Variants in RAPGEF2 observed in about 807,000 individuals in gnomAD.
RAPGEF2 encodes Rap guanine nucleotide exchange factor 2, also known as PDZ domain containing guanine nucleotide exchange factor (GEF) 1.
Under a neutral mutation model 186.7 loss-of-function variants are expected in RAPGEF2, and 54 were observed. The observed-to-expected ratio is 0.29, with a 90% CI of 0.23 to 0.36. The LOEUF (loss-of-function observed/expected upper bound fraction) is 0.36. Among genes scored for constraint, RAPGEF2 ranks in the 10% least tolerant of loss-of-function variants. RAPGEF2 has a pLI of 1.00. For synonymous variants in RAPGEF2, 712 were observed against 705.9 expected (o/e 1.01, Z -0.14); for missense variants, 1,532 against 2,045.0 (o/e 0.75, Z 4.84).
At chr4:159,261,550 C>T (rs1288413385) in intron 7 of RAPGEF2, among the ~76,000 whole-genome samples, 2 of 152,146 alleles carry the variant, frequency 1.3e-5, no homozygotes, top group African/African-American at 4.8e-5. Context: ...TTTTATATAA[C>T]TGTGTTTGAG....
intron 7 of RAPGEF2, among the ~76,000 whole-genome samples, chr4:159,277,392 A>G (rs1360693011): frequency 6.6e-6 from 1 of 152,212 alleles, no homozygotes; most frequent in Non-Finnish European, 1.5e-5. Flanking sequence ...ATACGTGTGC[A>G]TGTGTCTTTA....
At chr4:159,226,334 G>A (rs1195363347) in intron 4 of RAPGEF2, among the ~76,000 whole-genome samples, 1 of 152,100 alleles carries the variant, frequency 6.6e-6, no homozygotes, top group Non-Finnish European at 1.5e-5. Flanking sequence ...TCTGTCTCTG[G>A]AATCTGTCTT....
chr4:159,274,546 G>A (rs917098533), intron 7 of RAPGEF2, among the ~76,000 whole-genome samples: 8 of 152,148 alleles, frequency 5.3e-5, no homozygotes, highest in Non-Finnish European at 1.0e-4. Context: ...GTTTGTAAAT[G>A]TGTCCTTAAG....
At chr4:159,280,989 T>TTC (rs1759620557) in intron 7 of RAPGEF2, among the ~76,000 whole-genome samples, 4 of 52,496 alleles carry the variant, frequency 7.6e-5, no homozygotes, top group African/African-American at 4.1e-4. Flanking sequence ...ACTACTTCTT[T>TTC]TTTTTTTTTT....
chr4:159,309,208 G>C (rs943191987), intron 8 of RAPGEF2, among the ~76,000 whole-genome samples: 3 of 152,100 alleles, frequency 2.0e-5, no homozygotes, highest in African/African-American at 7.2e-5. Context: ...TTCAGCCTTT[G>C]TTTTCAAGTG....
At chr4:159,278,128 G>A (rs1026802837) in intron 7 of RAPGEF2, among the ~76,000 whole-genome samples, 1 of 152,160 alleles carries the variant, frequency 6.6e-6, no homozygotes, top group African/African-American at 2.4e-5. Flanking sequence ...TGTATAAGGT[G>A]TAAGGAAGGG....
chr4:159,117,050 A>C (rs2111082174), intron 1 of RAPGEF2, among the ~76,000 whole-genome samples: 1 of 152,312 alleles, frequency 6.6e-6, no homozygotes, highest in Non-Finnish European at 1.5e-5. Flanking sequence ...GTATTTATCT[A>C]AGTTGTATCT....
intron 7 of RAPGEF2, among the ~76,000 whole-genome samples, chr4:159,288,395 T>A (rs1376337567): frequency 6.6e-6 from 1 of 152,204 alleles, no homozygotes; most frequent in Non-Finnish European, 1.5e-5. Context: ...AAAAGTTGAA[T>A]AGCTGAATAC....
At chr4:159,164,679 T>G (rs1304326198) in intron 1 of RAPGEF2, among the ~76,000 whole-genome samples, 2 of 152,180 alleles carry the variant, frequency 1.3e-5, no homozygotes, top group Non-Finnish European at 2.9e-5. Context: ...GGTGGTACAG[T>G]ACAATGCAAT....
chr4:159,110,551 C>T (rs1292218685), intron 1 of RAPGEF2, among the ~76,000 whole-genome samples: 6 of 152,136 alleles, frequency 3.9e-5, no homozygotes, highest in Non-Finnish European at 7.4e-5. Flanking sequence ...GCACTCCAGC[C>T]TGGGTAACAA....
chr4:159,195,891 T>TTG (rs1748600615), intron 3 of RAPGEF2, among the ~76,000 whole-genome samples: 1 of 147,614 alleles, frequency 6.8e-6, no homozygotes, highest in East Asian at 2.0e-4. Flanking sequence ...TTTTTTTTTT[T>TTG]TTTTTTTTTT....
intron 7 of RAPGEF2, among the ~76,000 whole-genome samples, chr4:159,294,691 T>TTCCTTCC (rs1761711510): frequency 2.5e-5 from 2 of 80,112 alleles, no homozygotes; most frequent in Non-Finnish European, 5.6e-5. Flanking sequence ...TCCTTCCTTC[T>TTCCTTCC]TTCCGTCCGT....
intron 1 of RAPGEF2, among the ~76,000 whole-genome samples, chr4:159,159,940 G>T (rs1392431455): frequency 6.6e-6 from 1 of 152,110 alleles, no homozygotes; most frequent in Non-Finnish European, 1.5e-5. Context: ...AGGTATTATT[G>T]ATCTCCCTCC....
rs527330122 is a variant in RAPGEF2 at position 159,238,786 on chromosome 4, A to AT, written c.282-13dup. ...TAAATCTCTGAGGTTCTCCTCATTG[A>AT]TTTTTTTTTTCTTTCTTTCTAGTTT... is the stretch of plus-strand genomic sequence containing the variant. On this transcript the variant is annotated intron_variant, in intron 4 of 29. Transcript: ENST00000691494. The AT allele has an allele frequency of 6.6e-3, 9,060 of 1,377,684 alleles. 129 individuals carry two copies. Among genetic ancestry groups the AT allele is most frequent in the African/African-American group, 0.066 (4,455 of 67,968 alleles). The allele number at this position is 1,377,684 out of a possible 1,614,324, so 85.3% of individuals were successfully genotyped here.
intron 1 of RAPGEF2, among the ~76,000 whole-genome samples, chr4:159,152,039 G>A (rs1485132574): frequency 6.6e-6 from 1 of 152,132 alleles, no homozygotes; most frequent in Non-Finnish European, 1.5e-5. Flanking sequence ...AATAATAAAT[G>A]GGCCAGATGT....
intron 4 of RAPGEF2, among the ~76,000 whole-genome samples, chr4:159,211,039 T>A (rs1020483444): frequency 3.3e-5 from 5 of 152,222 alleles, no homozygotes; most frequent in Non-Finnish European, 5.9e-5. Flanking sequence ...ATATGGCCTT[T>A]CATTTTTGCA....
chr4:159,333,105 G>A (rs906510414), intron 17 of RAPGEF2, among the ~76,000 whole-genome samples: 2 of 151,906 alleles, frequency 1.3e-5, no homozygotes, highest in African/African-American at 4.8e-5. Flanking sequence ...TCAGTCTCCC[G>A]AGTAGCTGGG....
intron 1 of RAPGEF2, among the ~76,000 whole-genome samples, chr4:159,122,225 A>G (rs1381699243): frequency 6.6e-6 from 1 of 152,088 alleles, no homozygotes; most frequent in Non-Finnish European, 1.5e-5. Context: ...TCACACCTGT[A>G]ATCCCAGCAC....
intron 1 of RAPGEF2, among the ~76,000 whole-genome samples, chr4:159,176,588 G>A (rs937837159): frequency 2.0e-5 from 3 of 152,174 alleles, no homozygotes; most frequent in Admixed American, 6.5e-5. Context: ...TACTTCAGTT[G>A]TGTGGATATA....
Sources: allele counts gnomAD v4.1 joint callset (sites outside exome capture counted in the v4.1 genomes callset), GRCh38; gene constraint gnomAD v4.1.1; transcripts MANE v1.5; gene names NCBI Gene and HGNC (gene_info 2026-07-23, HGNC 2026-07-21).